Variants in PAK3 observed in about 807,000 individuals in gnomAD.
PAK3 encodes the protein serine/threonine-protein kinase PAK 3.
In PAK3, 4 loss-of-function variants were observed where a neutral mutation model predicts 41.0. The observed-to-expected ratio is 0.10, with a 90% CI of 0.05 to 0.22. PAK3 has a LOEUF of 0.22. Among genes scored for constraint, PAK3 ranks in the 10% least tolerant of loss-of-function variants. PAK3 has a pLI of 1.00. For missense variants in PAK3, 205 were observed against 409.9 expected (o/e 0.50, Z 4.32); for synonymous variants, 146 against 139.6 (o/e 1.05, Z -0.32).
At chrX:111,077,951 T>A (rs969156967) in intron 1 of PAK3, among the ~76,000 whole-genome samples, 4 of 110,996 alleles carry the variant, frequency 3.6e-5, no homozygotes, top group Non-Finnish European at 1.9e-5. Flanking sequence ...CTCAAACAAC[T>A]CAATAGCAAG....
At chrX:111,004,464 T>G (rs1391623714) in intron 1 of PAK3, among the ~76,000 whole-genome samples, 1 of 112,175 alleles carries the variant, frequency 8.9e-6, no homozygotes, top group Non-Finnish European at 1.9e-5. Context: ...GTCTATTAAA[T>G]AATTGGAGAA....
chrX:111,007,256 C>T (rs1569505053), intron 1 of PAK3, among the ~76,000 whole-genome samples: 1 of 111,471 alleles, frequency 9.0e-6, no homozygotes, highest in African/African-American at 3.3e-5. Context: ...TTCAGAAAGT[C>T]TGCAGTGGGG....
chrX:111,175,193 C>T (rs899640428), intron 11 of PAK3, among the ~76,000 whole-genome samples: 1 of 111,530 alleles, frequency 9.0e-6, no homozygotes, highest in Non-Finnish European at 1.9e-5. Flanking sequence ...ATTCAATCCA[C>T]TTAGAAATAG....
chrX:111,197,827 T>C (rs2094632900), intron 16 of PAK3, among the ~76,000 whole-genome samples: 1 of 111,152 alleles, frequency 9.0e-6, no homozygotes, highest in Non-Finnish European at 1.9e-5. Context: ...CCCAAGTAGA[T>C]GGGATTACAG....
intron 11 of PAK3, among the ~76,000 whole-genome samples, chrX:111,187,751 G>T (rs191095201): frequency 9.9e-5 from 11 of 111,058 alleles, no homozygotes; most frequent in Middle Eastern, 4.6e-3. Flanking sequence ...ATTTTAATTT[G>T]CAGGTTAGTA....
intron 5 of PAK3, among the ~76,000 whole-genome samples, chrX:111,130,128 A>G (rs183271134): frequency 8.9e-6 from 1 of 112,029 alleles, no homozygotes; most frequent in Non-Finnish European, 1.9e-5. Context: ...GAGATGAGTA[A>G]GAGGTAACTT....
intron 11 of PAK3, among the ~76,000 whole-genome samples, chrX:111,184,188 G>A (rs1365834379): frequency 9.0e-6 from 1 of 111,579 alleles, no homozygotes; most frequent in African/African-American, 3.3e-5. Flanking sequence ...ATAAAAGCAT[G>A]TTCTTCCTAC....
intron 1 of PAK3, among the ~76,000 whole-genome samples, chrX:110,950,097 G>A (rs144877490): frequency 0.022 from 2,382 of 109,827 alleles, 63 homozygotes; most frequent in African/African-American, 0.074. Flanking sequence ...GACATTGTGG[G>A]GGAGTGGCAC....
chrX:111,058,863 A>T (rs1320416301), intron 1 of PAK3, among the ~76,000 whole-genome samples: 1 of 111,626 alleles, frequency 9.0e-6, no homozygotes, highest in Non-Finnish European at 1.9e-5. Flanking sequence ...GTCAAAATTT[A>T]TTCTTTTGCA....
Position 111,000,799 on chromosome X carries a change from G to A in PAK3, c.-28+56171G>A, listed in dbSNP as rs376019937. On this transcript the variant is annotated intron_variant, in intron 1 of 14. Coordinates refer to the PAK3 transcript ENST00000425146. Reference sequence around the variant, plus strand: ...AAATTAAAACTAGCCCTGCCCTCCTGGGGCTTAAGTGCTGGAATTGACAGC... The same window carrying A: ...AAATTAAAACTAGCCCTGCCCTCCTAGGGCTTAAGTGCTGGAATTGACAGC... Among the ~76,000 whole-genome samples the A allele has an allele frequency of 8.0e-5, 9 of 112,110 alleles. No individual in the cohort carries two copies. The East Asian group carries it at 1.7e-3, about 21-fold the overall frequency.
At chrX:111,114,506 A>G (rs766910514) in intron 4 of PAK3, among the ~76,000 whole-genome samples, 1 of 112,265 alleles carries the variant, frequency 8.9e-6, no homozygotes, top group African/African-American at 3.2e-5. Context: ...GAACAAGGAT[A>G]AAGCATTAGT....
In PAK3 at chrX:111,008,962, C is replaced by A. The variant is rs143257509; in HGVS notation, c.-28+64334C>A. Among the ~76,000 whole-genome samples the A allele has an allele frequency of 2.2e-4, 24 of 110,960 alleles. No individual in the cohort carries two copies. In the East Asian group the frequency reaches 6.3e-3, roughly 29 times the overall value. On this transcript the variant is annotated intron_variant, in intron 1 of 14. Transcript: ENST00000425146. ...ATGAAAGGCTCTTTGAACCCCAAGC[C>A]AGAGCCAGTGTCTGCCTAAAATTTT...
At chrX:111,151,359 T>A (rs1387757590) in intron 7 of PAK3, among the ~76,000 whole-genome samples, 1 of 112,528 alleles carries the variant, frequency 8.9e-6, no homozygotes, top group Non-Finnish European at 1.9e-5. Flanking sequence ...CTTACAAAGA[T>A]GAAATCCTGA....
chrX:111,117,463 T>C (rs756609151), intron 4 of PAK3, among the ~76,000 whole-genome samples: 2 of 111,850 alleles, frequency 1.8e-5, no homozygotes, highest in East Asian at 2.8e-4. Context: ...AATGTTGATG[T>C]CAGGCTCAAA....
chrX:111,178,799 TAAG>T (rs975791851), intron 11 of PAK3, among the ~76,000 whole-genome samples: 4 of 110,055 alleles, frequency 3.6e-5, no homozygotes, highest in African/African-American at 1.3e-4. Context: ...GTAGGGTTTA[TAAG>T]AAGTTTTGTT....
At chrX:111,035,383 A>G (rs905626122) in intron 1 of PAK3, among the ~76,000 whole-genome samples, 1 of 111,591 alleles carries the variant, frequency 9.0e-6, no homozygotes, top group Non-Finnish European at 1.9e-5. Flanking sequence ...TTTGTTCACC[A>G]TTAAATAGCC....
intron 1 of PAK3, among the ~76,000 whole-genome samples, chrX:110,984,614 C>T (rs919675414): frequency 8.9e-6 from 1 of 111,827 alleles, no homozygotes; most frequent in Non-Finnish European, 1.9e-5. Flanking sequence ...GGCTGCTGCC[C>T]ACCATGACTC....
chrX:111,216,306 G>A (rs2094878917), intron 16 of PAK3, 115 bp from the exon 17 acceptor site: 3 of 537,829 alleles, frequency 5.6e-6, no homozygotes, highest in Admixed American at 5.2e-5. Flanking sequence ...ATTCTCTAAA[G>A]TGGAATTATT....
At chrX:111,055,514 A>C (rs1209939031) in intron 1 of PAK3, among the ~76,000 whole-genome samples, 1 of 112,258 alleles carries the variant, frequency 8.9e-6, no homozygotes, top group East Asian at 2.8e-4. Context: ...CAAGATCTGT[A>C]ATACAATTTC....
Sources: allele counts gnomAD v4.1 joint callset (sites outside exome capture counted in the v4.1 genomes callset), GRCh38; gene constraint gnomAD v4.1.1; transcripts MANE v1.5; gene names NCBI Gene and HGNC (gene_info 2026-07-23, HGNC 2026-07-21).